EPHA6: variants seen among roughly 807,000 people sequenced by gnomAD.
EPHA6 encodes the protein ephrin type-A receptor 6.
Under a neutral mutation model 112.0 loss-of-function variants are expected in EPHA6, and 50 were observed. The ratio of observed to expected loss-of-function variants is 0.45; its 90% CI spans 0.36 to 0.56. The LOEUF (loss-of-function observed/expected upper bound fraction) is 0.56. EPHA6 is among the 20% of genes least tolerant of loss of function. The probability of loss-of-function intolerance (pLI) is 0.00; values close to 1 mark genes in which losing one functional copy is unlikely to be tolerated. For synonymous variants in EPHA6, 529 were observed against 490.7 expected (o/e 1.08, Z -1.03); for missense variants, 1,280 against 1,417.4 (o/e 0.90, Z 1.56).
chr3:97,171,871 A>C (rs1275474057), intron 3 of EPHA6, among the ~76,000 whole-genome samples: 1 of 152,096 alleles, frequency 6.6e-6, no homozygotes, highest in Non-Finnish European at 1.5e-5. Flanking sequence ...AACCTTGGTA[A>C]ACTATAGGTT....
intron 13 of EPHA6, among the ~76,000 whole-genome samples, chr3:97,621,249 A>T (rs1320944626): frequency 6.6e-6 from 1 of 151,894 alleles, no homozygotes; most frequent in East Asian, 1.9e-4. Context: ...GGAACAACAC[A>T]CACTGGGGCC....
At chr3:96,980,335 C>T (rs1407152771) in intron 2 of EPHA6, among the ~76,000 whole-genome samples, 1 of 152,088 alleles carries the variant, frequency 6.6e-6, no homozygotes, top group African/African-American at 2.4e-5. Flanking sequence ...TTGTTTATGT[C>T]AGGTTTGTCA....
intron 1 of EPHA6, among the ~76,000 whole-genome samples, chr3:96,860,938 C>T (rs1212246958): frequency 6.6e-6 from 1 of 151,936 alleles, no homozygotes; most frequent in Non-Finnish European, 1.5e-5. Context: ...GATAACAGAA[C>T]AATTTTATAG....
intron 14 of EPHA6, among the ~76,000 whole-genome samples, chr3:97,642,174 G>A (rs1472763519): frequency 9.0e-6 from 1 of 111,072 alleles, no homozygotes; most frequent in East Asian, 2.7e-4. Context: ...CCCCCAGCAG[G>A]GGCACACTGA....
intron 3 of EPHA6, among the ~76,000 whole-genome samples, chr3:97,040,248 T>C (rs2045265960): frequency 6.6e-6 from 1 of 151,922 alleles, no homozygotes; most frequent in African/African-American, 2.4e-5. Context: ...AAATTTTAGA[T>C]ACTTTCCCTG....
intron 3 of EPHA6, among the ~76,000 whole-genome samples, chr3:97,165,222 G>C (rs1312413987): frequency 6.6e-6 from 1 of 152,014 alleles, no homozygotes; most frequent in Non-Finnish European, 1.5e-5. Context: ...TTTCCTTGGA[G>C]ATACCACCTA....
intron 3 of EPHA6, among the ~76,000 whole-genome samples, chr3:97,188,434 T>G (rs886888614): frequency 4.6e-5 from 7 of 151,886 alleles, no homozygotes; most frequent in African/African-American, 1.7e-4. Flanking sequence ...GCAAAAGATA[T>G]AATAACAAGG....
intron 2 of EPHA6, among the ~76,000 whole-genome samples, chr3:96,953,380 C>T (rs898724199): frequency 1.3e-5 from 2 of 152,098 alleles, no homozygotes; most frequent in Non-Finnish European, 1.5e-5. Context: ...ACCCAATATA[C>T]ATATTATCAC....
At chr3:96,854,945 G>C (rs1430848127) in intron 1 of EPHA6, among the ~76,000 whole-genome samples, 1 of 152,132 alleles carries the variant, frequency 6.6e-6, no homozygotes, top group Non-Finnish European at 1.5e-5. Flanking sequence ...CAGTTTTGTA[G>C]GCTAGAGGTC....
chr3:97,611,567 A>G (rs2093720721), intron 13 of EPHA6, among the ~76,000 whole-genome samples: 1 of 151,880 alleles, frequency 6.6e-6, no homozygotes, highest in Non-Finnish European at 1.5e-5. Flanking sequence ...ATTCATTGAT[A>G]GTGAAAAAAG....
At position 97,243,207 on chromosome 3, in the gene EPHA6, T is replaced by C. The variant is rs745834829; in HGVS notation, c.1271-745T>C. 3.0e-4 allele frequency among the ~76,000 whole-genome samples: 46 copies of C among 151,800 alleles called. 1 individual carries two copies. Among genetic ancestry groups the C allele is most frequent in the Non-Finnish European group, 1.3e-4 (9 of 67,852 alleles). On this transcript the variant is annotated intron_variant, in intron 4 of 17. Transcript: ENST00000389672. ...CAAATAGGAGAATAGTGTGGGTCTC[T>C]TTTAGGCCCACGCTTAGTTTAAAGG...
At chr3:97,364,650 T>C (rs2084609345) in intron 5 of EPHA6, among the ~76,000 whole-genome samples, 1 of 152,020 alleles carries the variant, frequency 6.6e-6, no homozygotes, top group Admixed American at 6.6e-5. Flanking sequence ...TTAATTACCA[T>C]AGTAACTGTA....
chr3:97,748,485 A>G, intron 17 of EPHA6, 102 bp from the exon 18 acceptor site: 6 of 680,600 alleles, frequency 8.8e-6, no homozygotes, highest in South Asian at 3.3e-5. Context: ...TTTATCTTGC[A>G]TGCTTATTAG....
chr3:97,357,141 C>G (rs1477074071), intron 5 of EPHA6, among the ~76,000 whole-genome samples: 1 of 152,138 alleles, frequency 6.6e-6, no homozygotes, highest in Non-Finnish European at 1.5e-5. Context: ...CTTTTTCCAT[C>G]TTTCCACTTT....
chr3:96,938,948 G>A (rs1193507785), intron 2 of EPHA6, among the ~76,000 whole-genome samples: 1 of 152,174 alleles, frequency 6.6e-6, no homozygotes, highest in Non-Finnish European at 1.5e-5. Context: ...GCATCCCAGG[G>A]ATGAAGCCCA....
chr3:97,049,522 A>C (rs1023035619), intron 3 of EPHA6, among the ~76,000 whole-genome samples: 1 of 152,226 alleles, frequency 6.6e-6, no homozygotes, highest in Non-Finnish European at 1.5e-5. Context: ...GGGTGGATTT[A>C]GTAATCTCGT....
chr3:96,815,345 CT>C (rs2107186599), intron 1 of EPHA6, among the ~76,000 whole-genome samples: 1 of 152,296 alleles, frequency 6.6e-6, no homozygotes, highest in South Asian at 2.1e-4. Flanking sequence ...TTAATGGAGA[CT>C]TCTGGCTCTT....
At chr3:97,472,685 C>A (rs2091261884) in intron 7 of EPHA6, among the ~76,000 whole-genome samples, 1 of 151,746 alleles carries the variant, frequency 6.6e-6, no homozygotes, top group Admixed American at 6.6e-5. Context: ...TATTTTGTTG[C>A]AGCCTGCATG....
chr3:97,160,502 ACTC>A (rs1369608913), intron 3 of EPHA6, among the ~76,000 whole-genome samples: 1 of 150,878 alleles, frequency 6.6e-6, no homozygotes, highest in Admixed American at 6.6e-5. Context: ...CTGGTTTCGA[ACTC>A]CTGACCTCAA....
Sources: gnomAD v4.1 joint callset for allele counts (sites outside exome capture counted in the v4.1 genomes callset) on GRCh38, gnomAD v4.1.1 for gene constraint, MANE v1.5 for transcripts, NCBI Gene and HGNC (gene_info 2026-07-23, HGNC 2026-07-21) for gene names.